The following RAB27A variants were observed in gnomAD, a reference collection of about 807,000 sequenced individuals.
RAB27A encodes the protein ras-related protein Rab-27A.
In RAB27A, 17 loss-of-function variants were observed where a neutral mutation model predicts 20.8. That is an observed-to-expected ratio of 0.82 (90% CI 0.56 to 1.23). The LOEUF (loss-of-function observed/expected upper bound fraction) is 1.23, where lower values mean the gene tolerates loss of function less well. Among genes scored for constraint, RAB27A ranks in the 50% most tolerant of loss-of-function variants. The pLI is 0.00. For missense variants in RAB27A, 277 were observed against 266.7 expected, an observed-to-expected ratio of 1.04 and a Z score of -0.27; for synonymous variants, 85 against 92.8, an observed-to-expected ratio of 0.92 and a Z score of 0.48.
intron 2 of RAB27A, among the ~76,000 whole-genome samples, chr15:55,240,942 A>G (rs535316878): frequency 6.6e-6 from 1 of 152,194 alleles, no homozygotes; most frequent in Non-Finnish European, 1.5e-5. Context: ...TTTAGACTCA[A>G]TGAAGCACAA....
intron 3 of RAB27A, among the ~76,000 whole-genome samples, chr15:55,233,331 TA>T (rs1339649923): frequency 6.6e-6 from 1 of 152,030 alleles, no homozygotes; most frequent in Non-Finnish European, 1.5e-5. Flanking sequence ...AAAATTAAGA[TA>T]ATTGTAATCC....
At chr15:55,317,988 G>T in intron 1 of RAB27A, 1 of 336,794 alleles carries the variant, frequency 3.0e-6, no homozygotes. Flanking sequence ...ATTAAAACAA[G>T]AATATAAATA....
Position 55,301,042 on chromosome 15 carries a change from C to T in RAB27A, c.-112+12997G>A, listed in dbSNP as rs546460035. ...CTTTGATGGCCACTGGATACAGGCCCTAAGTTGACACTGGTACAAGCAGAC... is the reference window on the plus strand; with the variant it reads ...CTTTGATGGCCACTGGATACAGGCCTTAAGTTGACACTGGTACAAGCAGAC... On this transcript the variant is annotated intron_variant, in intron 2 of 5. Transcript: ENST00000563262. Among the ~76,000 whole-genome samples, 19 of 152,256 alleles carry T rather than the reference C, an allele frequency of 1.2e-4. 1 individual carries two copies. The highest frequency in any genetic ancestry group is 4.6e-4 in the Admixed American group (7 of 15,300).
chr15:55,300,339 C>A (rs1406783347), intron 2 of RAB27A, among the ~76,000 whole-genome samples: 3 of 151,966 alleles, frequency 2.0e-5, no homozygotes, highest in Non-Finnish European at 2.9e-5. Context: ...CCAGAGAGAT[C>A]TGTGGTGATG....
chr15:55,307,934 G>C (rs992931443), intron 2 of RAB27A, among the ~76,000 whole-genome samples: 1 of 151,824 alleles, frequency 6.6e-6, no homozygotes, highest in Non-Finnish European at 1.5e-5. Context: ...GTTTGCTGAA[G>C]GGTTTTAAGT....
At position 55,263,713 on chromosome 15, in the gene RAB27A, AATTT is replaced by A. The variant is rs978561576; in HGVS notation, c.-23+6448_-23+6451del. Among the ~76,000 whole-genome samples, 16 of 152,300 alleles carry A rather than the reference AATTT, an allele frequency of 1.1e-4. 1 individual carries two copies. Among genetic ancestry groups the A allele is most frequent in the Admixed American group, 7.8e-4 (12 of 15,290 alleles). On this transcript the variant is annotated intron_variant, in intron 2 of 6. Transcript: ENST00000336787. ...TTTAAAATTAAAGAAGCCGAACCCA[AATTT>A]CTGAATTCTAGCTAATAATTTAGGA...
intron 3 of RAB27A, among the ~76,000 whole-genome samples, chr15:55,233,576 A>G (rs1429229286): frequency 1.3e-5 from 2 of 152,184 alleles, no homozygotes; most frequent in African/African-American, 2.4e-5. Context: ...GAAGCCAGAC[A>G]CAAAAGGCCA....
Position 55,234,772 on chromosome 15 carries a change from T to C in RAB27A, c.153+10A>G, listed in dbSNP as rs774986160. 19 of 1,604,802 alleles carry C rather than the reference T, an allele frequency of 1.2e-5. No individual in the cohort carries two copies. The highest frequency in any genetic ancestry group is 2.2e-5 in the East Asian group (1 of 44,750). On this transcript the variant is annotated intron_variant, in intron 3 of 6. Transcript: ENST00000336787. ...GATTACATTTTTACATAGAAGGATA[T>C]AGAACTTACCACTCTTTTTTCCCTG...
chr15:55,245,136 C>A (rs1896639457), intron 2 of RAB27A, among the ~76,000 whole-genome samples: 2 of 152,160 alleles, frequency 1.3e-5, no homozygotes, highest in Non-Finnish European at 2.9e-5. Flanking sequence ...TCTCACAGAC[C>A]ATTACAATTC....
chr15:55,211,785 T>C (rs1455957879), intron 6 of RAB27A, among the ~76,000 whole-genome samples: 1 of 152,170 alleles, frequency 6.6e-6, no homozygotes, highest in African/African-American at 2.4e-5. Context: ...CCTGTTTTCT[T>C]ATACAGGTCC....
intron 2 of RAB27A, among the ~76,000 whole-genome samples, chr15:55,305,930 TG>T (rs1376120435): frequency 6.6e-6 from 1 of 152,168 alleles, no homozygotes; most frequent in African/African-American, 2.4e-5. Context: ...AAAGGAAGAA[TG>T]GGTACTCTTT....
intron 6 of RAB27A, among the ~76,000 whole-genome samples, chr15:55,212,781 G>A (rs535464137): frequency 6.6e-5 from 10 of 152,142 alleles, no homozygotes; most frequent in African/African-American, 1.7e-4. Context: ...CACCCGCCTC[G>A]GCCTCCCAAA....
At chr15:55,247,061 C>T (rs1896715091) in intron 2 of RAB27A, among the ~76,000 whole-genome samples, 1 of 152,148 alleles carries the variant, frequency 6.6e-6, no homozygotes, top group South Asian at 2.1e-4. Context: ...AGCACTGATC[C>T]TGGGGCTTTT....
chr15:55,258,811 T>C (rs552584301), intron 2 of RAB27A, among the ~76,000 whole-genome samples: 1 of 152,190 alleles, frequency 6.6e-6, no homozygotes, highest in African/African-American at 2.4e-5. Flanking sequence ...TTTGTATCTT[T>C]CTCCTATTTT....
At chr15:55,300,063 G>A (rs979384671) in intron 2 of RAB27A, among the ~76,000 whole-genome samples, 8 of 151,954 alleles carry the variant, frequency 5.3e-5, no homozygotes, top group South Asian at 4.2e-4. Flanking sequence ...CCCGTAATCC[G>A]CCCGCCTCGG....
chr15:55,304,321 ACTGCGGAAGGCCGCAGGGTCCTCTGC>A (rs1414973840), intron 2 of RAB27A, among the ~76,000 whole-genome samples: 6 of 151,468 alleles, frequency 4.0e-5, no homozygotes, highest in Non-Finnish European at 7.4e-5. Flanking sequence ...GGACACAAAC[ACTGCGGAAGGCCGCAGGGTCCTCTGC>A]CTAGGAAAAC....
At chr15:55,217,114 A>ATAC (rs1426180972) in intron 6 of RAB27A, among the ~76,000 whole-genome samples, 1 of 152,238 alleles carries the variant, frequency 6.6e-6, no homozygotes, top group African/African-American at 2.4e-5. Context: ...AATTAAAAGT[A>ATAC]TACTTTCTTG....
At chr15:55,213,563 C>G (rs9920737) in intron 6 of RAB27A, among the ~76,000 whole-genome samples, 45,822 of 152,012 alleles carry the variant, frequency 0.3, 10,373 homozygotes, top group African/African-American at 0.64. Context: ...GCGAGCAAGC[C>G]AAGTTTCATC....
At chr15:55,210,195 G>GTATACATACACACATGTATGTGTA (rs1894942888) in intron 6 of RAB27A, among the ~76,000 whole-genome samples, 1 of 85,508 alleles carries the variant, frequency 1.2e-5, no homozygotes. Flanking sequence ...ATGTATGTGT[G>GTATACATACACACATGTATGTGTA]TATACATACA....
Sources: allele counts gnomAD v4.1 joint callset (sites outside exome capture counted in the v4.1 genomes callset), GRCh38; gene constraint gnomAD v4.1.1; transcripts MANE v1.5; gene names NCBI Gene and HGNC (gene_info 2026-07-23, HGNC 2026-07-21).